Variants in CLSTN2 observed in about 807,000 individuals in gnomAD.
The protein encoded by CLSTN2 is calsyntenin-2.
CLSTN2 carries 48 observed loss-of-function variants against 101.2 expected under a neutral mutation model. The observed-to-expected ratio is 0.47, with a 90% CI of 0.38 to 0.60. The LOEUF is 0.60. Among genes scored for constraint, CLSTN2 ranks in the 20% least tolerant of loss-of-function variants. CLSTN2 has a pLI of 0.00. For missense variants in CLSTN2, 1,160 were observed against 1,238.2 expected (o/e 0.94, Z 0.95); for synonymous variants, 481 against 463.6 (o/e 1.04, Z -0.48).
chr3:140,043,471 G>T (rs913111108), intron 1 of CLSTN2, among the ~76,000 whole-genome samples: 1 of 152,118 alleles, frequency 6.6e-6, no homozygotes, highest in African/African-American at 2.4e-5. Flanking sequence ...CCATTCTGTA[G>T]GTTGCCTGTT....
At chr3:140,397,828 T>C (rs2088200101) in intron 2 of CLSTN2, among the ~76,000 whole-genome samples, 1 of 152,258 alleles carries the variant, frequency 6.6e-6, no homozygotes, top group Non-Finnish European at 1.5e-5. Context: ...TTTGAATCTT[T>C]TACTTGTACA....
At chr3:140,562,742 G>C (rs1935944139) in intron 13 of CLSTN2, 69 bp from the exon 14 acceptor site, 5 of 1,547,102 alleles carry the variant, frequency 3.2e-6, no homozygotes, top group Non-Finnish European at 2.7e-6. Context: ...ACAAGCCCTG[G>C]CTTGTCTCCT....
chr3:140,456,922 C>T lies in CLSTN2; in HGVS notation c.974-2599C>T, dbSNP rs570080212. On this transcript the variant is annotated intron_variant, in intron 6 of 16. Transcript: ENST00000458420. ...TCTCCCAACCTTCCCTTGATGTCAT[C>T]CCCCATCACCCCATGCATGGTCCTC... is the stretch of plus-strand genomic sequence containing the variant. Among the ~76,000 whole-genome samples the T allele has an allele frequency of 2.9e-4, 44 of 152,282 alleles. 2 individuals carry two copies. In the South Asian group the frequency reaches 8.7e-3, roughly 30 times the overall value.
intron 10 of CLSTN2, among the ~76,000 whole-genome samples, chr3:140,547,473 TAAAAA>T (rs548170688): frequency 4.0e-5 from 6 of 150,188 alleles, no homozygotes; most frequent in African/African-American, 7.4e-5. Context: ...GACTCCATCT[TAAAAA>T]AAAGAGGAAG....
intron 1 of CLSTN2, among the ~76,000 whole-genome samples, chr3:140,103,802 G>A (rs1319371513): frequency 1.3e-5 from 2 of 152,204 alleles, no homozygotes; most frequent in African/African-American, 4.8e-5. Context: ...CCTTGTCCCA[G>A]TTGGGCTCTC....
At chr3:140,075,253 T>C (rs2008467824) in intron 1 of CLSTN2, among the ~76,000 whole-genome samples, 1 of 152,164 alleles carries the variant, frequency 6.6e-6, no homozygotes, top group Non-Finnish European at 1.5e-5. Context: ...TTTCTCTTTT[T>C]CTAGTTTAGG....
chr3:139,977,923 T>C (rs7628696), intron 1 of CLSTN2, among the ~76,000 whole-genome samples: 78,009 of 152,052 alleles, frequency 0.51, 21,807 homozygotes, highest in Middle Eastern at 0.66. Context: ...TAATGCTTCC[T>C]TTGCTGGCCT....
chr3:140,352,728 T>C (rs116303977), intron 2 of CLSTN2, among the ~76,000 whole-genome samples: 95 of 152,288 alleles, frequency 6.2e-4, no homozygotes, highest in African/African-American at 2.0e-3. Flanking sequence ...TAAAATGATA[T>C]CTATTTCTGG....
intron 3 of CLSTN2, 43 bp from the exon 4 acceptor site, chr3:140,404,515 T>C: frequency 6.3e-7 from 1 of 1,586,010 alleles, no homozygotes; most frequent in Non-Finnish European, 8.7e-7. Context: ...TTGGTGTGAC[T>C]CTTTCTTTAC....
intron 2 of CLSTN2, among the ~76,000 whole-genome samples, chr3:140,199,190 C>G (rs559905251): frequency 6.6e-6 from 1 of 152,308 alleles, no homozygotes; most frequent in East Asian, 1.9e-4. Context: ...TTGCATCAGA[C>G]TTTTTCTCCC....
At chr3:140,102,022 C>T (rs1456586048) in intron 1 of CLSTN2, among the ~76,000 whole-genome samples, 1 of 152,198 alleles carries the variant, frequency 6.6e-6, no homozygotes, top group African/African-American at 2.4e-5. Context: ...TAGCTAAATT[C>T]TAACTTCTCT....
chr3:140,485,093 A>G (rs989388992), intron 8 of CLSTN2, among the ~76,000 whole-genome samples: 1 of 152,004 alleles, frequency 6.6e-6, no homozygotes, highest in African/African-American at 2.4e-5. Flanking sequence ...TTGTGGTTTT[A>G]TCTACCTTTG....
At chr3:140,175,885 A>G in intron 1 of CLSTN2, 66 bp from the exon 2 acceptor site, 1 of 1,464,602 alleles carries the variant, frequency 6.8e-7, no homozygotes, top group Non-Finnish European at 9.4e-7. Context: ...CAATCTTAAT[A>G]ATACATTATT....
chr3:140,108,704 G>C (rs1209479594), intron 1 of CLSTN2, among the ~76,000 whole-genome samples: 1 of 152,102 alleles, frequency 6.6e-6, no homozygotes, highest in African/African-American at 2.4e-5. Flanking sequence ...TTCATCTCAT[G>C]GTATTTATTT....
intron 8 of CLSTN2, among the ~76,000 whole-genome samples, chr3:140,471,657 A>C (rs1426712872): frequency 2.6e-5 from 4 of 152,088 alleles, no homozygotes; most frequent in Non-Finnish European, 5.9e-5. Flanking sequence ...CCCAAACTCT[A>C]ATAATTGTGG....
intron 2 of CLSTN2, among the ~76,000 whole-genome samples, chr3:140,390,759 T>C (rs1392640619): frequency 6.6e-6 from 1 of 152,238 alleles, no homozygotes; most frequent in African/African-American, 2.4e-5. Context: ...TTATTTAATG[T>C]ACTCATTTGA....
intron 1 of CLSTN2, among the ~76,000 whole-genome samples, chr3:139,983,284 G>GA (rs1172204753): frequency 6.6e-6 from 1 of 151,998 alleles, no homozygotes; most frequent in Admixed American, 6.6e-5. Flanking sequence ...TGGACTGAAA[G>GA]AAAAAAAGAT....
intron 16 of CLSTN2, 60 bp downstream of exon 16, chr3:140,564,205 AC>A: frequency 6.6e-7 from 1 of 1,524,600 alleles, no homozygotes; most frequent in Non-Finnish European, 9.0e-7. Flanking sequence ...ACCCAGCTCA[AC>A]CCTTCCTATG....
chr3:140,091,918 C>T (rs2008785638), intron 1 of CLSTN2, among the ~76,000 whole-genome samples: 1 of 152,172 alleles, frequency 6.6e-6, no homozygotes, highest in East Asian at 1.9e-4. Context: ...AGTCCCCAGT[C>T]AATGCCCAGT....
Sources: allele counts gnomAD v4.1 joint callset (sites outside exome capture counted in the v4.1 genomes callset), GRCh38; gene constraint gnomAD v4.1.1; transcripts MANE v1.5; gene names NCBI Gene and HGNC (gene_info 2026-07-23, HGNC 2026-07-21).